PRKAR1A: variants seen among roughly 807,000 people sequenced by gnomAD.
PRKAR1A encodes the protein cAMP-dependent protein kinase type I-alpha regulatory subunit.
Under a neutral mutation model 52.0 loss-of-function variants are expected in PRKAR1A, and 3 were observed. That is an observed-to-expected ratio of 0.06 (90% confidence interval 0.03 to 0.15). The LOEUF (loss-of-function observed/expected upper bound fraction) is 0.15. Ranked by LOEUF, PRKAR1A falls within the 10% of genes least tolerant of loss-of-function variation. The pLI, the probability that PRKAR1A is intolerant of heterozygous loss-of-function variation, is 1.00. For missense variants in PRKAR1A, 240 were observed against 477.4 expected (o/e 0.50, Z 4.63); for synonymous variants, 188 against 168.4 (o/e 1.12, Z -0.90).
At chr17:68,489,266 GTATA>G in the PRKAR1A span, among the ~76,000 whole-genome samples, 71 of 9,328 alleles carry the variant, frequency 7.6e-3, 13 homozygotes, top group African/African-American at 0.025. Context: ...TATATGGAAA[GTATA>G]TATATATATA....
chr17:68,470,022 T>C, the PRKAR1A span, among the ~76,000 whole-genome samples: 7 of 152,070 alleles, frequency 4.6e-5, no homozygotes, highest in Non-Finnish European at 2.9e-5. Flanking sequence ...CATGTAGCCT[T>C]TGAAAAACCC....
rs1441526415 is a variant in PRKAR1A at position 68,531,384 on chromosome 17, A to G, written c.*935A>G. On this transcript the variant is annotated 3_prime_UTR_variant, in exon 11 of 11. Transcript: ENST00000589228. ...CTCCTCTGCTCATTAAACTGATTCC[A>G]GGAGATTGGATTTGCTGTGACTAGA... 9.4e-7 allele frequency: 1 copy of G among 1,065,590 alleles called. No individual in the cohort carries two copies. Among genetic ancestry groups the G allele is most frequent in the Non-Finnish European group, 1.1e-6 (1 of 879,430 alleles). The allele number at this position is 1,065,590 out of a possible 1,614,324, so 66.0% of individuals were successfully genotyped here.
the PRKAR1A span, among the ~76,000 whole-genome samples, chr17:68,425,246 T>C: frequency 6.6e-6 from 1 of 152,340 alleles, no homozygotes; most frequent in South Asian, 2.1e-4. Flanking sequence ...CTCTTTCACC[T>C]AGGCTGGAGT....
chr17:68,457,832 C>G, the PRKAR1A span, among the ~76,000 whole-genome samples: 4 of 152,300 alleles, frequency 2.6e-5, no homozygotes, highest in African/African-American at 9.6e-5. Context: ...GCGCGTGACG[C>G]AAAGGCAGCA....
chr17:68,429,889 T>G, the PRKAR1A span: 19 of 1,540,098 alleles, frequency 1.2e-5, no homozygotes, highest in Non-Finnish European at 1.6e-5. Context: ...GTGCCCAGCC[T>G]GGGGCAAGTT....
At chr17:68,432,303 G>T in the PRKAR1A span, among the ~76,000 whole-genome samples, 1 of 152,186 alleles carries the variant, frequency 6.6e-6, no homozygotes, top group Non-Finnish European at 1.5e-5. Flanking sequence ...CAGGCAGCGT[G>T]GGCTTGCTTT....
At chr17:68,439,811 G>C in the PRKAR1A span, among the ~76,000 whole-genome samples, 1 of 152,164 alleles carries the variant, frequency 6.6e-6, no homozygotes, top group Admixed American at 6.5e-5. Flanking sequence ...AGGCTACCGT[G>C]ATATAGAGGT....
the PRKAR1A span, among the ~76,000 whole-genome samples, chr17:68,436,225 C>G: frequency 6.6e-6 from 1 of 152,254 alleles, no homozygotes; most frequent in South Asian, 2.1e-4. Context: ...ACAGCAAGCC[C>G]GAGGGGAAAT....
At chr17:68,425,934 A>G in the PRKAR1A span, 4 of 679,366 alleles carry the variant, frequency 5.9e-6, no homozygotes, top group Admixed American at 2.6e-5. Context: ...CAAATATCCT[A>G]TGGCTTTCCA....
chr17:68,428,494 A>C, the PRKAR1A span: 1 of 213,986 alleles, frequency 4.7e-6, no homozygotes, highest in Non-Finnish European at 9.5e-6. Flanking sequence ...CGGCCTCCCA[A>C]AGTGCCGGGA....
the PRKAR1A span, among the ~76,000 whole-genome samples, chr17:68,434,332 A>T: frequency 2.0e-5 from 3 of 152,154 alleles, no homozygotes; most frequent in African/African-American, 7.2e-5. Context: ...CACACATCAA[A>T]AAGGGACTCT....
rs1293937823 is a variant in PRKAR1A, at chr17:68,533,308, G to A, written c.*2859G>A. The A allele has an allele frequency of 9.4e-7, 1 of 1,063,774 alleles. No homozygotes were observed. Among genetic ancestry groups the A allele is most frequent in the African/African-American group, 1.6e-5 (1 of 61,026 alleles). The allele number at this position is 1,063,774 out of a possible 1,614,324, so 65.9% of individuals were successfully genotyped here. On this transcript the variant is annotated 3_prime_UTR_variant, in exon 11 of 11. Transcript: ENST00000589228. The stretch of plus-strand genomic sequence containing the variant: ...GAAATTGGAGATATGTTGTATGTTA[G>A]AAGAGCATTCTTTAAATTGTGTTGC...
the PRKAR1A span, among the ~76,000 whole-genome samples, chr17:68,480,959 T>C: frequency 6.6e-6 from 1 of 152,284 alleles, no homozygotes; most frequent in African/African-American, 2.4e-5. Flanking sequence ...CTCTACCTCA[T>C]GCAGGTCCAC....
chr17:68,463,562 A>G, the PRKAR1A span, among the ~76,000 whole-genome samples: 2 of 152,212 alleles, frequency 1.3e-5, no homozygotes, highest in African/African-American at 4.8e-5. Flanking sequence ...AGTATCTTAG[A>G]TGGTGATAAG....
the PRKAR1A span, among the ~76,000 whole-genome samples, chr17:68,481,897 CAT>C: frequency 2.0e-5 from 3 of 152,182 alleles, no homozygotes; most frequent in Non-Finnish European, 4.4e-5. Flanking sequence ...GAAAAGGAGA[CAT>C]ATGTGTGTCG....
At chr17:68,483,598 A>G in the PRKAR1A span, among the ~76,000 whole-genome samples, 1 of 152,198 alleles carries the variant, frequency 6.6e-6, no homozygotes, top group Non-Finnish European at 1.5e-5. Context: ...GCGGTGGCTC[A>G]TGCCTGTAAT....
At chr17:68,423,200 G>C in the PRKAR1A span, among the ~76,000 whole-genome samples, 2 of 152,196 alleles carry the variant, frequency 1.3e-5, no homozygotes, top group Non-Finnish European at 2.9e-5. The surrounding 1 kb of genome is among the most constrained non-coding windows in gnomAD (Gnocchi z 4.4). Flanking sequence ...ATTCTGCACA[G>C]AGATTTGCAA....
At chr17:68,510,410 C>T (rs750086625), upstream of PRKAR1A, among the ~76,000 whole-genome samples, 2 of 152,158 alleles carry the variant, frequency 1.3e-5, no homozygotes, top group African/African-American at 2.4e-5. Context: ...AAGTGCTATA[C>T]GTGTGTTTGC....
the PRKAR1A span, among the ~76,000 whole-genome samples, chr17:68,486,202 T>C: frequency 1.7e-5 from 1 of 57,984 alleles, no homozygotes; most frequent in Non-Finnish European, 3.8e-5. Flanking sequence ...GCTCATGAGG[T>C]TTTTTTTTTT....
Sources: allele counts gnomAD v4.1 joint callset (sites outside exome capture counted in the v4.1 genomes callset), GRCh38; gene constraint gnomAD v4.1.1; non-coding constraint Gnocchi (gnomAD v3.1); transcripts MANE v1.5; gene names NCBI Gene and HGNC (gene_info 2026-07-23, HGNC 2026-07-21).